The following TMEM132C variants were observed in gnomAD, a reference collection of about 807,000 sequenced individuals.
TMEM132C encodes protein phosphatase 1, regulatory subunit 152.
In TMEM132C, 29 loss-of-function variants were observed where a neutral mutation model predicts 61.4. The observed-to-expected ratio is 0.47, with a 90% CI of 0.35 to 0.64. The LOEUF is 0.64. Among genes scored for constraint, TMEM132C ranks in the 30% least tolerant of loss-of-function variants. The pLI is 0.00. For missense variants in TMEM132C, 1,408 were observed against 1,476.9 expected, an observed-to-expected ratio of 0.95 and a Z score of 0.76; for synonymous variants, 656 against 633.1, an observed-to-expected ratio of 1.04 and a Z score of -0.54.
At chr12:128,295,833 AC>A (rs1177011534) in intron 1 of TMEM132C, among the ~76,000 whole-genome samples, 1 of 151,372 alleles carries the variant, frequency 6.6e-6, no homozygotes, top group Non-Finnish European at 1.5e-5. Flanking sequence ...AGAATATTGT[AC>A]TTTTCAGACC....
chr12:128,377,644 A>G (rs1415464445), intron 1 of TMEM132C, among the ~76,000 whole-genome samples: 1 of 152,212 alleles, frequency 6.6e-6, no homozygotes, highest in Non-Finnish European at 1.5e-5. Context: ...ATATATGTGT[A>G]TATAGGTGTG....
intron 2 of TMEM132C, among the ~76,000 whole-genome samples, chr12:128,425,621 A>G (rs1432820220): frequency 6.6e-6 from 1 of 152,214 alleles, no homozygotes; most frequent in Non-Finnish European, 1.5e-5. Flanking sequence ...TCACGTTTCT[A>G]GAGGCCAGAA....
chr12:128,474,608 A>G (rs1371601300), intron 2 of TMEM132C, among the ~76,000 whole-genome samples: 1 of 152,212 alleles, frequency 6.6e-6, no homozygotes, highest in East Asian at 1.9e-4. Flanking sequence ...ATGTTTTGAT[A>G]TTTGTCATAG....
chr12:128,651,268 G>A (rs1954267269), intron 4 of TMEM132C, among the ~76,000 whole-genome samples: 2 of 152,156 alleles, frequency 1.3e-5, no homozygotes, highest in South Asian at 2.1e-4. Flanking sequence ...CTGGATTGCA[G>A]AGTCTCTTCA....
chr12:128,293,795 A>G (rs1283303810), intron 1 of TMEM132C, among the ~76,000 whole-genome samples: 3 of 152,146 alleles, frequency 2.0e-5, no homozygotes, highest in Non-Finnish European at 4.4e-5. Flanking sequence ...ACTGGAGCAT[A>G]TATTTCCCGC....
Position 128,537,760 on chromosome 12 carries a change from C to T in TMEM132C, c.975-6197C>T, listed in dbSNP as rs540101535. ...ATACATAGGATATAATTTCATAGAA[C>T]TATACACCAAAAAAGTTCATGTGAA... is the stretch of plus-strand genomic sequence containing the variant. On this transcript the variant is annotated intron_variant, in intron 2 of 8. Transcript: ENST00000435159. Among the ~76,000 whole-genome samples the T allele has an allele frequency of 7.9e-4, 120 of 152,264 alleles. 1 individual carries two copies. Among genetic ancestry groups the T allele is most frequent in the African/African-American group, 2.5e-3 (105 of 41,570 alleles).
At chr12:128,664,139 CAG>C (rs1402439848) in intron 4 of TMEM132C, among the ~76,000 whole-genome samples, 7 of 142,034 alleles carry the variant, frequency 4.9e-5, no homozygotes, top group Admixed American at 6.8e-5. Context: ...GGCACTCACA[CAG>C]GCACACACAC....
At chr12:128,297,705 A>G (rs1871456053) in intron 1 of TMEM132C, among the ~76,000 whole-genome samples, 1 of 152,044 alleles carries the variant, frequency 6.6e-6, no homozygotes, top group Non-Finnish European at 1.5e-5. Context: ...TTTTTCCAGG[A>G]TTTGGTATCT....
chr12:128,429,921 G>A (rs189486942), intron 2 of TMEM132C, among the ~76,000 whole-genome samples: 4 of 152,152 alleles, frequency 2.6e-5, no homozygotes, highest in East Asian at 3.9e-4. Flanking sequence ...AGGGTGCAGC[G>A]GACAGACACA....
At chr12:128,588,752 G>A (rs1200367844) in intron 3 of TMEM132C, among the ~76,000 whole-genome samples, 2 of 152,148 alleles carry the variant, frequency 1.3e-5, no homozygotes, top group Non-Finnish European at 2.9e-5. Flanking sequence ...CAGCATCTAT[G>A]AACCAGGAGA....
At chr12:128,613,051 A>G (rs962265613) in intron 3 of TMEM132C, among the ~76,000 whole-genome samples, 1 of 152,184 alleles carries the variant, frequency 6.6e-6, no homozygotes, top group Non-Finnish European at 1.5e-5. Context: ...GAGTGAAGAG[A>G]AGTGCAGGCT....
chr12:128,610,079 A>AT (rs1455297048), intron 3 of TMEM132C, among the ~76,000 whole-genome samples: 1 of 152,268 alleles, frequency 6.6e-6, no homozygotes, highest in Non-Finnish European at 1.5e-5. Context: ...AAGCCCTCAG[A>AT]TGTGAGTATT....
rs1376106875 is a variant in TMEM132C at position 128,669,444 on chromosome 12, C to G, written c.1333C>G (p.Leu445Val). The G allele has an allele frequency of 6.4e-7, 1 of 1,551,650 alleles. No individual in the cohort carries two copies. Among genetic ancestry groups the G allele is most frequent in the East Asian group, 2.4e-5 (1 of 40,914 alleles). ...MDTEILNTAVLTGKTVAMPIK... is the reference protein window; with the variant it reads ...MDTEILNTAVVTGKTVAMPIK... The stretch of plus-strand genomic sequence containing the variant: ...CACTGAAATTCTGAACACCGCCGTA[C>G]TCACAGGAAAGACAGTTGCCATGCC... Residue 445 changes from leucine (L) to valine (V), a missense_variant, in exon 5 of 9, where the codon CTC (leucine) becomes GTC (valine). Physicochemically the swap from Leu to Val is conservative, Grantham distance 32 (BLOSUM62 1). Coordinates refer to ENST00000435159, the MANE Select transcript of TMEM132C (RefSeq NM_001136103.3).
intron 2 of TMEM132C, among the ~76,000 whole-genome samples, chr12:128,543,623 C>T (rs959825295): frequency 7.9e-5 from 12 of 152,228 alleles, no homozygotes; most frequent in Middle Eastern, 6.8e-3. Flanking sequence ...TCTGGCAGGG[C>T]GCAGAGCCCC....
intron 1 of TMEM132C, among the ~76,000 whole-genome samples, chr12:128,282,535 C>T (rs1313758109): frequency 6.6e-6 from 1 of 152,152 alleles, no homozygotes; most frequent in Non-Finnish European, 1.5e-5. Flanking sequence ...TGGAGAAAGC[C>T]ACTACCCCCC....
chr12:128,464,435 C>T (rs1002392686), intron 2 of TMEM132C, among the ~76,000 whole-genome samples: 6 of 152,112 alleles, frequency 3.9e-5, no homozygotes, highest in East Asian at 3.9e-4. Context: ...ACTGAGCTGA[C>T]CCTGTCTCCT....
At chr12:128,576,164 A>C (rs1447988238) in intron 3 of TMEM132C, among the ~76,000 whole-genome samples, 1 of 151,908 alleles carries the variant, frequency 6.6e-6, no homozygotes, top group Non-Finnish European at 1.5e-5. Context: ...GTGAGGCAGG[A>C]GAATCACCTG....
At chr12:128,437,028 G>C (rs1192923847) in intron 2 of TMEM132C, among the ~76,000 whole-genome samples, 1 of 152,058 alleles carries the variant, frequency 6.6e-6, no homozygotes, top group Non-Finnish European at 1.5e-5. Flanking sequence ...CCATCATTCT[G>C]AGCAAACTAT....
intron 2 of TMEM132C, among the ~76,000 whole-genome samples, chr12:128,486,659 A>G (rs1003632195): frequency 2.0e-5 from 3 of 152,070 alleles, no homozygotes; most frequent in Admixed American, 6.5e-5. Flanking sequence ...ACCATCGTTG[A>G]AGAAACAATG....
Sources: allele counts gnomAD v4.1 joint callset (sites outside exome capture counted in the v4.1 genomes callset), GRCh38; gene constraint gnomAD v4.1.1; transcripts MANE v1.5; gene names NCBI Gene and HGNC (gene_info 2026-07-23, HGNC 2026-07-21).